The following LMTK2 variants were observed in gnomAD, a reference collection of about 807,000 sequenced individuals.
LMTK2 encodes the protein lemur tail kinase 2.
Under a neutral mutation model 127.5 loss-of-function variants are expected in LMTK2, and 37 were observed. The observed-to-expected ratio is 0.29, with a 90% CI of 0.22 to 0.38. The LOEUF is 0.38. Among genes scored for constraint, LMTK2 ranks in the 10% least tolerant of loss-of-function variants. LMTK2 has a pLI of 1.00. For synonymous variants in LMTK2, 819 were observed against 810.1 expected (o/e 1.01, Z -0.19); for missense variants, 1,694 against 1,920.3 (o/e 0.88, Z 2.20).
In LMTK2 at chr7:98,207,520, T is replaced by TA. The variant is rs1797826407; in HGVS notation, c.*2030dup. 6.6e-6 allele frequency: 1 copy of TA among 150,770 alleles called. No individual in the cohort carries two copies. The highest frequency in any genetic ancestry group is 1.5e-5 in the Non-Finnish European group (1 of 67,796). The allele number at this position is 150,770 out of a possible 1,614,324, so 9.3% of individuals were successfully genotyped here. On this transcript the variant is annotated 3_prime_UTR_variant, in exon 14 of 14. Coordinates refer to ENST00000297293, the MANE Select transcript of LMTK2 (RefSeq NM_014916.4). ...GATGCGCGAATTTTTTTTTTTTTTT[T>TA]AATTAACAGGGCATTAGAAGATGAT... is the stretch of plus-strand genomic sequence containing the variant.
At position 98,192,312 on chromosome 7, in the gene LMTK2, C is replaced by T; in HGVS notation, c.1847C>T (p.Ser616Phe). 6.4e-7 allele frequency: 1 copy of T among 1,552,706 alleles called. No individual in the cohort carries two copies. Among genetic ancestry groups the T allele is most frequent in the Non-Finnish European group, 8.7e-7 (1 of 1,156,062 alleles). The change falls in exon 11 of 14, where the codon TCT becomes TTT. Residue 616 changes from serine to phenylalanine, a missense_variant. Physicochemically the swap from Ser to Phe is radical, Grantham distance 155 (BLOSUM62 -2). Transcript: ENST00000297293. ...FFQSSTDPKD[S>F]SLPGDLHVTS... ...CAAAGCAGTACAGACCCCAAAGACT[C>T]TAGCTTACCAGGGGACTTACACGTG... is the stretch of plus-strand genomic sequence containing the variant.
chr7:98,149,947 C>CT (rs397730044), intron 3 of LMTK2, among the ~76,000 whole-genome samples: 3 of 448 alleles, frequency 6.7e-3, no homozygotes, highest in African/African-American at 0.024. Context: ...TAAGAAACAG[C>CT]CAATAAAAAT....
intron 1 of LMTK2, among the ~76,000 whole-genome samples, chr7:98,124,813 G>A (rs926002027): frequency 1.3e-4 from 20 of 152,012 alleles, no homozygotes; most frequent in Non-Finnish European, 2.8e-4. Context: ...AACATAAAAT[G>A]GGGCTAATGA....
At chr7:98,161,179 T>A (rs1442387243) in intron 6 of LMTK2, among the ~76,000 whole-genome samples, 2 of 152,090 alleles carry the variant, frequency 1.3e-5, no homozygotes, top group East Asian at 1.9e-4. Context: ...GGATTCTCAA[T>A]TTTTTTTGTT....
intron 1 of LMTK2, among the ~76,000 whole-genome samples, chr7:98,121,756 T>C (rs1796364868): frequency 6.6e-6 from 1 of 152,102 alleles, no homozygotes. Flanking sequence ...ATCCCAGCAC[T>C]TTGGGAGGCT....
intron 1 of LMTK2, among the ~76,000 whole-genome samples, chr7:98,131,098 G>A (rs963080512): frequency 9.9e-5 from 15 of 152,030 alleles, no homozygotes; most frequent in Admixed American, 7.2e-4. Flanking sequence ...CTTTCTCCAC[G>A]CCCTCGTGCT....
At chr7:98,185,281 A>G (rs771241207) in intron 8 of LMTK2, 146 bp downstream of exon 8, 4 of 582,906 alleles carry the variant, frequency 6.9e-6, no homozygotes, top group Non-Finnish European at 1.2e-5. Flanking sequence ...AATGTGGTCT[A>G]GGCTTCTGGC....
chr7:98,122,971 T>G (rs1016701996), intron 1 of LMTK2, among the ~76,000 whole-genome samples: 7 of 152,150 alleles, frequency 4.6e-5, no homozygotes. Context: ...GTTCTCTTTT[T>G]TTTTTCCTTC....
At chr7:98,170,149 T>C (rs1315357412) in intron 6 of LMTK2, among the ~76,000 whole-genome samples, 2 of 152,258 alleles carry the variant, frequency 1.3e-5, no homozygotes, top group African/African-American at 2.4e-5. Context: ...CTCTGTGGCC[T>C]TGGGCAAATT....
chr7:98,140,154 T>TTCG (rs1562902775), intron 2 of LMTK2, among the ~76,000 whole-genome samples: 965 of 58,048 alleles, frequency 0.017, 319 homozygotes, highest in South Asian at 0.047. Flanking sequence ...TTTCTTTTCT[T>TTCG]TTCTTTTCTT....
intron 4 of LMTK2, among the ~76,000 whole-genome samples, chr7:98,152,039 A>T (rs1796865709): frequency 6.6e-6 from 1 of 152,206 alleles, no homozygotes; most frequent in Non-Finnish European, 1.5e-5. Flanking sequence ...AAGAAGGGAA[A>T]AGAGACCTGG....
At chr7:98,125,862 G>C (rs1420630098) in intron 1 of LMTK2, among the ~76,000 whole-genome samples, 1 of 152,228 alleles carries the variant, frequency 6.6e-6, no homozygotes, top group East Asian at 1.9e-4. Context: ...ATATGCAGAA[G>C]TAGAGAGAAG....
intron 1 of LMTK2, among the ~76,000 whole-genome samples, chr7:98,115,587 G>A (rs61101093): frequency 0.066 from 9,978 of 151,856 alleles, 675 homozygotes; most frequent in East Asian, 0.34. Flanking sequence ...AGGCGGGCGG[G>A]TCACGAGGTC....
At chr7:98,149,837 T>C (rs961464883) in intron 3 of LMTK2, among the ~76,000 whole-genome samples, 2 of 152,174 alleles carry the variant, frequency 1.3e-5, no homozygotes, top group East Asian at 3.9e-4. Context: ...GTTAAGAGAA[T>C]GAAAAGTCTA....
At chr7:98,190,689 TA>T in intron 9 of LMTK2, 38 bp from the exon 10 acceptor site, 1 of 1,611,122 alleles carries the variant, frequency 6.2e-7, no homozygotes, top group Non-Finnish European at 8.5e-7. Flanking sequence ...ATTTGACATC[TA>T]AAGGGAGAGA....
In LMTK2 at chr7:98,159,389, G is replaced by T; in HGVS notation, c.621G>T (p.Ala207=). The change falls in exon 6 of 14, where the codon GCG becomes GCT. Residue 207 remains alanine, a synonymous_variant. Transcript: ENST00000297293. Reference sequence around the variant, plus strand: ...AGTGTGTTGGACAGTGCGTAGAAGCGATTCCCTACCTCCTGGTGTTTGAGT... The same window carrying T: ...AGTGTGTTGGACAGTGCGTAGAAGCTATTCCCTACCTCCTGGTGTTTGAGT... ...ILQCVGQCVE[A]IPYLLVFEFC... 1 of 1,612,430 alleles carries T rather than the reference G, an allele frequency of 6.2e-7. No individual in the cohort carries two copies. Among genetic ancestry groups the T allele is most frequent in the Non-Finnish European group, 8.5e-7 (1 of 1,179,156 alleles).
chr7:98,119,185 A>C (rs1796328369), intron 1 of LMTK2, among the ~76,000 whole-genome samples: 1 of 152,024 alleles, frequency 6.6e-6, no homozygotes, highest in African/African-American at 2.4e-5. Context: ...TCCTGCATTT[A>C]TAATAGTTTT....
intron 6 of LMTK2, among the ~76,000 whole-genome samples, chr7:98,165,674 G>A (rs1466415491): frequency 2.0e-5 from 3 of 152,060 alleles, no homozygotes; most frequent in South Asian, 4.2e-4. Context: ...CCTCTTTGGT[G>A]CAGAAATGCC....
At chr7:98,198,761 G>C (rs569776248) in intron 11 of LMTK2, among the ~76,000 whole-genome samples, 1 of 152,156 alleles carries the variant, frequency 6.6e-6, no homozygotes, top group Admixed American at 6.6e-5. Flanking sequence ...GATTATAGAC[G>C]TGAGCCACTG....
Sources: gnomAD v4.1 joint callset for allele counts (sites outside exome capture counted in the v4.1 genomes callset) on GRCh38, gnomAD v4.1.1 for gene constraint, MANE v1.5 for transcripts, NCBI Gene and HGNC (gene_info 2026-07-23, HGNC 2026-07-21) for gene names.